MBNL1: variants seen among roughly 807,000 people sequenced by gnomAD.
MBNL1 encodes the protein muscleblind like splicing regulator 1, also known as muscleblind-like protein 1.
MBNL1 carries 8 observed loss-of-function variants against 42.2 expected under a neutral mutation model. The observed-to-expected ratio is 0.19, with a 90% confidence interval of 0.11 to 0.34. The LOEUF (loss-of-function observed/expected upper bound fraction) is 0.34, where lower values mean the gene tolerates loss of function less well. Ranked by LOEUF, MBNL1 falls within the 10% of genes least tolerant of loss-of-function variation. The probability of loss-of-function intolerance (pLI) is 1.00; values close to 1 mark genes in which losing one functional copy is unlikely to be tolerated. For synonymous variants in MBNL1, 169 were observed against 173.9 expected, an observed-to-expected ratio of 0.97 and a Z score of 0.22; for missense variants, 309 against 495.3, an observed-to-expected ratio of 0.62 and a Z score of 3.57.
intron 2 of MBNL1, among the ~76,000 whole-genome samples, chr3:152,246,311 T>A (rs1357653725): frequency 1.3e-5 from 2 of 152,154 alleles, no homozygotes; most frequent in African/African-American, 4.8e-5. Flanking sequence ...AAATGAAGGC[T>A]AAAGCAGCAG....
At chr3:152,424,288 CAG>C (rs201295668) in intron 3 of MBNL1, among the ~76,000 whole-genome samples, 1,754 of 152,260 alleles carry the variant, frequency 0.012, 24 homozygotes, top group African/African-American at 0.04. Context: ...AATAGACAAA[CAG>C]AGAGCCAAAT....
At chr3:152,393,411 T>G (rs1312318508) in intron 2 of MBNL1, among the ~76,000 whole-genome samples, 1 of 152,218 alleles carries the variant, frequency 6.6e-6, no homozygotes, top group African/African-American at 2.4e-5. Context: ...CCTTTTACTT[T>G]CTGAGCATTG....
At chr3:152,436,967 C>T (rs1028579410) in intron 4 of MBNL1, among the ~76,000 whole-genome samples, 2 of 152,126 alleles carry the variant, frequency 1.3e-5, no homozygotes, top group Non-Finnish European at 2.9e-5. Context: ...AGGATACTGC[C>T]GTGTGAAGCT....
intron 1 of MBNL1, among the ~76,000 whole-genome samples, chr3:152,286,933 A>G (rs2052761399): frequency 6.6e-6 from 1 of 152,096 alleles, no homozygotes; most frequent in Non-Finnish European, 1.5e-5. Context: ...ATAGTTGTAT[A>G]TGGTGGCCGG....
chr3:152,415,283 T>C (rs11919230), intron 3 of MBNL1, among the ~76,000 whole-genome samples, 172 bp downstream of exon 3: 10,846 of 152,308 alleles, frequency 0.071, 511 homozygotes, highest in Middle Eastern at 0.16. Context: ...TTATACTTTG[T>C]GTAGGCACTC....
intron 2 of MBNL1, among the ~76,000 whole-genome samples, chr3:152,373,564 T>C (rs1235012987): frequency 6.6e-6 from 1 of 151,822 alleles, no homozygotes; most frequent in East Asian, 1.9e-4. Context: ...GTGGGGGAGG[T>C]TGTTTTCTCA....
At chr3:152,322,345 A>T (rs1050729599) in intron 2 of MBNL1, among the ~76,000 whole-genome samples, 2 of 152,044 alleles carry the variant, frequency 1.3e-5, no homozygotes, top group Non-Finnish European at 2.9e-5. Context: ...TCCTTGCCCC[A>T]TCCCCAAGAT....
chr3:152,302,328 A>G (rs2151609002), intron 2 of MBNL1: 1 of 152,288 alleles, frequency 6.6e-6, no homozygotes, highest in East Asian at 1.9e-4. Context: ...AAACTTGGTA[A>G]AATATTTTAA....
intron 3 of MBNL1, among the ~76,000 whole-genome samples, chr3:152,417,443 GAT>G (rs2098720783): frequency 6.6e-6 from 1 of 152,162 alleles, no homozygotes; most frequent in African/African-American, 2.4e-5. Flanking sequence ...TATCAAAGAA[GAT>G]AAATACTATG....
rs559985064 is a variant in MBNL1 at position 152,374,367 on chromosome 3, A to G, written c.175-40574A>G. Reference sequence around the variant, plus strand: ...TAATGACCTGATGAAAACTGCTCTGAGGGCATCTTCAGCTGGAAAGTATGT... The same window carrying G: ...TAATGACCTGATGAAAACTGCTCTGGGGGCATCTTCAGCTGGAAAGTATGT... On this transcript the variant is annotated intron_variant, in intron 2 of 9. Transcript: ENST00000324210. Among the ~76,000 whole-genome samples, 10 of 152,320 alleles carry G rather than the reference A, an allele frequency of 6.6e-5. No individual in the cohort carries two copies. In the East Asian group the frequency reaches 1.7e-3, roughly 26 times the overall value.
intron 2 of MBNL1, among the ~76,000 whole-genome samples, chr3:152,348,817 G>A (rs1303097191): frequency 1.3e-5 from 2 of 151,946 alleles, no homozygotes; most frequent in African/African-American, 2.4e-5. Flanking sequence ...ACATTTAGCC[G>A]GCAGCAGCAA....
chr3:152,305,874 A>G (rs774061906), intron 2 of MBNL1, among the ~76,000 whole-genome samples: 4 of 152,226 alleles, frequency 2.6e-5, no homozygotes, highest in Non-Finnish European at 4.4e-5. Flanking sequence ...ATGCACATCT[A>G]CCTACAGCAT....
intron 2 of MBNL1, among the ~76,000 whole-genome samples, chr3:152,304,704 A>G (rs1339061607): frequency 6.6e-6 from 1 of 152,214 alleles, no homozygotes; most frequent in Non-Finnish European, 1.5e-5. Flanking sequence ...GTTTCATATA[A>G]AAGGTCCCTA....
At chr3:152,432,982 G>C in intron 4 of MBNL1, 62 bp downstream of exon 4, 1 of 1,495,244 alleles carries the variant, frequency 6.7e-7, no homozygotes, top group East Asian at 2.3e-5. Flanking sequence ...GTGGTTTTTT[G>C]TTTGTTTGTG....
chr3:152,347,836 T>C (rs2094477545), intron 2 of MBNL1, among the ~76,000 whole-genome samples: 1 of 152,180 alleles, frequency 6.6e-6, no homozygotes, highest in South Asian at 2.1e-4. Flanking sequence ...TTCATTTATC[T>C]GAAAAGCAAT....
At chr3:152,285,827 T>G (rs1284912681) in intron 1 of MBNL1, among the ~76,000 whole-genome samples, 3 of 152,034 alleles carry the variant, frequency 2.0e-5, no homozygotes, top group African/African-American at 7.2e-5. Flanking sequence ...TCTCACTGTG[T>G]TGTTCAGGCT....
intron 2 of MBNL1, among the ~76,000 whole-genome samples, chr3:152,309,293 A>G (rs2065034739): frequency 6.6e-6 from 1 of 152,114 alleles, no homozygotes; most frequent in African/African-American, 2.4e-5. Flanking sequence ...GTTGGTAACG[A>G]CCTGTATTTT....
chr3:152,330,173 T>C (rs2083364728), intron 2 of MBNL1, among the ~76,000 whole-genome samples: 1 of 152,200 alleles, frequency 6.6e-6, no homozygotes, highest in Admixed American at 6.5e-5. Context: ...ATTTAGAGAC[T>C]GAATCTGTGT....
At chr3:152,244,734 C>G (rs947789338) in intron 2 of MBNL1, among the ~76,000 whole-genome samples, 11 of 152,184 alleles carry the variant, frequency 7.2e-5, no homozygotes, top group Admixed American at 3.3e-4. Context: ...CAATTTAGTG[C>G]TGAAGAGGCA....
Sources: gnomAD v4.1 joint callset for allele counts (sites outside exome capture counted in the v4.1 genomes callset) on GRCh38, gnomAD v4.1.1 for gene constraint, MANE v1.5 for transcripts, NCBI Gene and HGNC (gene_info 2026-07-23, HGNC 2026-07-21) for gene names.